The following SDK1 variants were observed in gnomAD, a reference collection of about 807,000 sequenced individuals.
SDK1 encodes sidekick cell adhesion molecule 1.
SDK1 carries 157 observed loss-of-function variants against 245.5 expected under a neutral mutation model. That is an observed-to-expected ratio of 0.64 (90% CI 0.56 to 0.73). SDK1 has a LOEUF of 0.73. Ranked by LOEUF, SDK1 falls within the 30% of genes least tolerant of loss-of-function variation. The pLI is 0.00. For missense variants in SDK1, 3,583 were observed against 3,002.3 expected (o/e 1.19, Z -4.52); for synonymous variants, 1,647 against 1,278.5 (o/e 1.29, Z -6.15).
chr7:3,756,582 C>G (rs1779939897), intron 4 of SDK1, among the ~76,000 whole-genome samples: 1 of 151,498 alleles, frequency 6.6e-6, no homozygotes, highest in Admixed American at 6.6e-5. Context: ...AAATGCTCAA[C>G]TTTATATTTC....
chr7:3,558,548 G>A lies in SDK1; in HGVS notation c.299-60532G>A, dbSNP rs539001817. On this transcript the variant is annotated intron_variant, in intron 1 of 44. Coordinates refer to ENST00000404826, the MANE Select transcript of SDK1 (RefSeq NM_152744.4). ...TGGGCAAGAGGCAGTGATTGGCCTG[G>A]TACAGGCCATGTGGACAGGGAGGGA... Among the ~76,000 whole-genome samples the A allele has an allele frequency of 2.6e-5, 4 of 152,284 alleles. No individual in the cohort carries two copies. The East Asian group carries it at 7.7e-4, about 29-fold the overall frequency.
At chr7:3,337,133 C>G (rs942550382) in intron 1 of SDK1, among the ~76,000 whole-genome samples, 57 of 152,162 alleles carry the variant, frequency 3.7e-4, no homozygotes, top group African/African-American at 1.3e-3. Flanking sequence ...GATTTGAAAG[C>G]TGCTATGATA....
At chr7:4,067,036 T>G (rs949887815) in intron 19 of SDK1, among the ~76,000 whole-genome samples, 1 of 152,202 alleles carries the variant, frequency 6.6e-6, no homozygotes, top group African/African-American at 2.4e-5. Flanking sequence ...ATGGAACATT[T>G]TCATGGTGCC....
intron 44 of SDK1, among the ~76,000 whole-genome samples, chr7:4,248,744 G>T (rs1001800321): frequency 6.6e-6 from 1 of 151,838 alleles, no homozygotes; most frequent in African/African-American, 2.4e-5. Context: ...ATATGTACAT[G>T]CAAAAATTTG....
intron 1 of SDK1, among the ~76,000 whole-genome samples, chr7:3,598,978 G>C (rs1781161918): frequency 6.6e-6 from 1 of 151,832 alleles, no homozygotes; most frequent in Non-Finnish European, 1.5e-5. Flanking sequence ...CAAGAGAACA[G>C]TTGCTGGGTT....
chr7:3,471,799 T>C (rs756194916), intron 1 of SDK1, among the ~76,000 whole-genome samples: 11 of 152,340 alleles, frequency 7.2e-5, no homozygotes, highest in Non-Finnish European at 1.0e-4. Flanking sequence ...TTTTCTGTTC[T>C]TAAAAGTTGC....
intron 1 of SDK1, among the ~76,000 whole-genome samples, chr7:3,588,074 G>C (rs1006651665): frequency 3.3e-5 from 5 of 152,136 alleles, no homozygotes; most frequent in Admixed American, 6.5e-5. Context: ...GGAATCCTAG[G>C]TCAATCTTTG....
chr7:3,994,526 C>G (rs1040735115), intron 14 of SDK1, among the ~76,000 whole-genome samples: 1 of 151,682 alleles, frequency 6.6e-6, no homozygotes, highest in African/African-American at 2.4e-5. Context: ...CCTATAATCC[C>G]AGCTACTCAG....
chr7:3,595,501 C>T (rs570770900), intron 1 of SDK1, among the ~76,000 whole-genome samples: 51 of 152,022 alleles, frequency 3.4e-4, no homozygotes, highest in African/African-American at 1.2e-3. Flanking sequence ...AAACTGTTGC[C>T]TCCGATATAT....
At chr7:3,486,658 C>A (rs770098436) in intron 1 of SDK1, among the ~76,000 whole-genome samples, 2 of 151,724 alleles carry the variant, frequency 1.3e-5, no homozygotes, top group Non-Finnish European at 2.9e-5. Flanking sequence ...TTCTTCATCC[C>A]AAAGCACAAG....
chr7:4,137,999 ATTCATCTTTATG>A (rs1288528022), intron 28 of SDK1, among the ~76,000 whole-genome samples: 1 of 152,190 alleles, frequency 6.6e-6, no homozygotes, highest in African/African-American at 2.4e-5. Flanking sequence ...AGCTATAGGC[ATTCATCTTTATG>A]TTCAGCAGAC....
chr7:3,970,125 G>A (rs767854021), intron 11 of SDK1, among the ~76,000 whole-genome samples: 1 of 152,116 alleles, frequency 6.6e-6, no homozygotes, highest in Non-Finnish European at 1.5e-5. Flanking sequence ...ATCTCAATCT[G>A]TACTACTAAA....
At chr7:3,948,425 T>A (rs935755318) in intron 5 of SDK1, among the ~76,000 whole-genome samples, 4 of 151,906 alleles carry the variant, frequency 2.6e-5, no homozygotes, top group African/African-American at 9.7e-5. Context: ...ACCCAGCTAA[T>A]TTGTTTTTTT....
chr7:3,648,055 A>G (rs1782903314), intron 4 of SDK1, among the ~76,000 whole-genome samples: 2 of 152,202 alleles, frequency 1.3e-5, no homozygotes, highest in South Asian at 4.1e-4. Context: ...TTTCTGATTT[A>G]CTGAGTCCAA....
chr7:3,914,308 A>G (rs772367544), intron 5 of SDK1, among the ~76,000 whole-genome samples: 1 of 152,158 alleles, frequency 6.6e-6, no homozygotes, highest in Non-Finnish European at 1.5e-5. Context: ...AATCTTTTCA[A>G]TGTGTATAAT....
At chr7:3,433,971 A>G (rs1156412259) in intron 1 of SDK1, among the ~76,000 whole-genome samples, 2 of 152,230 alleles carry the variant, frequency 1.3e-5, no homozygotes, top group Non-Finnish European at 2.9e-5. Context: ...AACTACCGCA[A>G]TGCATTAAGA....
intron 35 of SDK1, among the ~76,000 whole-genome samples, chr7:4,186,997 C>A (rs1361081763): frequency 6.6e-6 from 1 of 152,180 alleles, no homozygotes; most frequent in Non-Finnish European, 1.5e-5. Context: ...TCCAGCATGT[C>A]TACCTAGGAG....
intron 1 of SDK1, among the ~76,000 whole-genome samples, chr7:3,335,501 T>A (rs1351446556): frequency 6.6e-6 from 1 of 152,170 alleles, no homozygotes; most frequent in Non-Finnish European, 1.5e-5. Flanking sequence ...TTATCTTTTC[T>A]TCACCTGGTA....
At chr7:3,720,839 A>G (rs1189984292) in intron 4 of SDK1, among the ~76,000 whole-genome samples, 3 of 152,234 alleles carry the variant, frequency 2.0e-5, no homozygotes, top group Non-Finnish European at 2.9e-5. Flanking sequence ...AACCTAGGAA[A>G]AGTTCAAATA....
Sources: allele counts gnomAD v4.1 joint callset (sites outside exome capture counted in the v4.1 genomes callset), GRCh38; gene constraint gnomAD v4.1.1; transcripts MANE v1.5; gene names NCBI Gene and HGNC (gene_info 2026-07-23, HGNC 2026-07-21).